Variants in THAP12 observed in about 807,000 individuals in gnomAD.
THAP12 encodes the protein THAP domain containing 12.
In THAP12, 20 loss-of-function variants were observed where a neutral mutation model predicts 63.0. The ratio of observed to expected loss-of-function variants is 0.32; its 90% CI spans 0.22 to 0.46. THAP12 has a LOEUF of 0.46. Among genes scored for constraint, THAP12 ranks in the 20% least tolerant of loss-of-function variants. The pLI, the probability that THAP12 is intolerant of heterozygous loss-of-function variation, is 1.00. For synonymous variants in THAP12, 264 were observed against 328.4 expected, an observed-to-expected ratio of 0.80 and a Z score of 2.12; for missense variants, 568 against 908.2, an observed-to-expected ratio of 0.63 and a Z score of 4.81.
intron 3 of THAP12, chr11:76,357,972 T>A (rs1179107943): frequency 6.6e-6 from 1 of 152,040 alleles, no homozygotes; most frequent in African/African-American, 2.4e-5. Context: ...AGTTCATAAG[T>A]ACAACAATCA....
chr11:76,375,386 T>C (rs1408563831), intron 1 of THAP12, among the ~76,000 whole-genome samples: 20 of 150,454 alleles, frequency 1.3e-4, no homozygotes, highest in Admixed American at 4.6e-4. Context: ...AATCAAGACT[T>C]AGGCTTTTTT....
At chr11:76,380,260 G>C (rs191813895) in intron 1 of THAP12, among the ~76,000 whole-genome samples, 5 of 152,332 alleles carry the variant, frequency 3.3e-5, no homozygotes, top group Non-Finnish European at 7.3e-5. Context: ...AAGTCCGAAG[G>C]AGAAAGCAGT....
At chr11:76,369,267 T>C (rs1486602984) in intron 1 of THAP12, among the ~76,000 whole-genome samples, 8 of 152,202 alleles carry the variant, frequency 5.3e-5, no homozygotes, top group Non-Finnish European at 7.3e-5. Context: ...TGAAGTAACT[T>C]TGCCCATCAA....
chr11:76,361,232 C>T, intron 2 of THAP12, 169 bp from the exon 3 acceptor site: 1 of 498,532 alleles, frequency 2.0e-6, no homozygotes, highest in Non-Finnish European at 3.5e-6. Context: ...TCCAACTGTG[C>T]CTGCATTTGC....
At chr11:76,356,216 C>T (rs1477243203) in intron 3 of THAP12, 1 of 152,312 alleles carries the variant, frequency 6.6e-6, no homozygotes, top group African/African-American at 2.4e-5. Flanking sequence ...GCATCCTTTA[C>T]TTTCCTTCCA....
In THAP12 at chr11:76,351,351, T is replaced by C. The variant is rs781068172; in HGVS notation, c.1799A>G (p.Lys600Arg). Residue 600 changes from lysine (K) to arginine (R), a missense_variant, in exon 5 of 5, where the codon AAA becomes AGA. Physicochemically the swap from Lys to Arg is conservative, Grantham distance 26. Transcript: ENST00000260045. ...TACCAGAGATAAGCATTTAAGAGCT[T>C]TGAGGTGCTGTTCTGAGAATATATC... Reference protein sequence around the residue: ...LKDIFSEQHLKALKCLSLVPS... With the variant: ...LKDIFSEQHLRALKCLSLVPS... 6.3e-6 allele frequency: 10 copies of C among 1,597,896 alleles called. No homozygotes were observed. Among genetic ancestry groups the C allele is most frequent in the African/African-American group, 5.4e-5 (4 of 74,702 alleles).
chr11:76,375,214 G>A (rs529739408), intron 1 of THAP12, among the ~76,000 whole-genome samples: 2 of 152,212 alleles, frequency 1.3e-5, no homozygotes, highest in South Asian at 4.2e-4. Flanking sequence ...GGGTGAGTTA[G>A]TACTAGCTGC....
intron 4 of THAP12, among the ~76,000 whole-genome samples, chr11:76,354,407 T>G (rs1946546865): frequency 6.6e-6 from 1 of 152,202 alleles, no homozygotes; most frequent in Non-Finnish European, 1.5e-5. Flanking sequence ...TCTCCTCCAT[T>G]ATTTCTCCAC....
Position 76,351,777 on chromosome 11 carries a change from C to T in THAP12, c.1373G>A (p.Arg458Lys). The change falls in exon 5 of 5, where the codon AGA becomes AAA. Residue 458 changes from arginine (R) to lysine (K), a missense_variant. Physicochemically the swap from Arg to Lys is conservative, Grantham distance 26. Transcript: ENST00000260045. ...TCGGCCAGCTATATAGTTATTCCATCTAATATTTGTGTCACTATTTATACC... is the reference window on the plus strand; with the variant it reads ...TCGGCCAGCTATATAGTTATTCCATTTAATATTTGTGTCACTATTTATACC... ...LDGINSDTNI[R>K]WNNYIAGRAF... The T allele has an allele frequency of 1.9e-6, 3 of 1,613,206 alleles. No homozygotes were observed. Among genetic ancestry groups the T allele is most frequent in the East Asian group, 2.2e-5 (1 of 44,862 alleles).
chr11:76,366,272 T>C (rs1278763991), intron 1 of THAP12, among the ~76,000 whole-genome samples: 1 of 152,134 alleles, frequency 6.6e-6, no homozygotes, highest in Non-Finnish European at 1.5e-5. Flanking sequence ...TCAGAGAAGA[T>C]TCAACCATCA....
intron 4 of THAP12, among the ~76,000 whole-genome samples, chr11:76,353,115 G>A (rs578132998): frequency 6.6e-6 from 1 of 152,018 alleles, no homozygotes; most frequent in South Asian, 2.1e-4. Flanking sequence ...TTGAACTCCT[G>A]GCCTCAAGTG....
intron 1 of THAP12, among the ~76,000 whole-genome samples, chr11:76,378,086 T>C (rs1946723995): frequency 6.6e-6 from 1 of 152,224 alleles, no homozygotes; most frequent in African/African-American, 2.4e-5. Flanking sequence ...AATTAGTCTA[T>C]TTTTCTTTTT....
intron 1 of THAP12, among the ~76,000 whole-genome samples, chr11:76,366,959 C>T (rs1416131574): frequency 2.0e-5 from 3 of 152,092 alleles, no homozygotes; most frequent in Non-Finnish European, 4.4e-5. Context: ...GAGCCAGACA[C>T]GTTCTAAGTC....
In THAP12 at chr11:76,352,655, G is replaced by A. The variant is rs372577692; in HGVS notation, c.495C>T (p.Tyr165=). The A allele has an allele frequency of 9.9e-6, 16 of 1,612,030 alleles. No homozygotes were observed. The African/African-American group carries it at 1.1e-4, about 11-fold the overall frequency. The change falls in exon 5 of 5, where the codon TAC becomes TAT. Residue 165 remains tyrosine (Y), a synonymous_variant. Coordinates refer to ENST00000260045, the MANE Select transcript of THAP12 (RefSeq NM_004705.4). The part of the protein sequence containing the change: ...LTLEEKENKE[Y]LKSLFEILIL... ...TCAAGATTTCAAATAGAGATTTTAG[G>A]TATTCTTTGTTTTCCTTCTCTTCAA...
intron 2 of THAP12, among the ~76,000 whole-genome samples, chr11:76,363,837 C>T (rs569887689): frequency 7.2e-5 from 11 of 152,204 alleles, no homozygotes; most frequent in Non-Finnish European, 1.3e-4. Flanking sequence ...AACTCCTGAC[C>T]GCAAATGATC....
chr11:76,358,345 T>C (rs905764749), intron 3 of THAP12: 1 of 152,070 alleles, frequency 6.6e-6, no homozygotes, highest in Non-Finnish European at 1.5e-5. Context: ...TTGAATCCAA[T>C]GGTATATAAA....
Position 76,380,858 on chromosome 11 carries a change from C to G in THAP12, c.-22G>C, listed in dbSNP as rs1430010815. 7.1e-7 allele frequency: 1 copy of G among 1,408,150 alleles called. No homozygotes were observed. The highest frequency in any genetic ancestry group is 1.5e-5 in the African/African-American group (1 of 66,620). The allele number at this position is 1,408,150 out of a possible 1,614,324, so 87.2% of individuals were successfully genotyped here. On this transcript the variant is annotated 5_prime_UTR_variant, in exon 1 of 5. Coordinates refer to ENST00000260045, the MANE Select transcript of THAP12 (RefSeq NM_004705.4). The stretch of plus-strand genomic sequence containing the variant: ...GCATCGTCGCCCGCCCGCCGGCCGG[C>G]CCAGCCCTCCCCTCCCCGCCTCCTC...
chr11:76,350,803 T>C lies in THAP12; in HGVS notation c.*61A>G. On this transcript the variant is annotated 3_prime_UTR_variant, in exon 5 of 5. Coordinates refer to ENST00000260045, the MANE Select transcript of THAP12 (RefSeq NM_004705.4). ...ATATTTAGTGATTAAGTGGTCTACA[T>C]ACACCTTACGGCTTTTTCTTCCAAA... 2 of 1,465,054 alleles carry C rather than the reference T, an allele frequency of 1.4e-6. No homozygotes were observed. Among genetic ancestry groups the C allele is most frequent in the Non-Finnish European group, 1.8e-6 (2 of 1,108,470 alleles). 90.8% of individuals were successfully genotyped at this position (1,465,054 alleles called of 1,614,324 possible).
intron 3 of THAP12, chr11:76,358,614 G>C (rs1946576849): frequency 6.6e-6 from 1 of 152,044 alleles, no homozygotes; most frequent in African/African-American, 2.4e-5. Context: ...AGACCAAACT[G>C]GGCAACATGG....
Sources: gnomAD v4.1 joint callset for allele counts (sites outside exome capture counted in the v4.1 genomes callset) on GRCh38, gnomAD v4.1.1 for gene constraint, MANE v1.5 for transcripts, NCBI Gene and HGNC (gene_info 2026-07-23, HGNC 2026-07-21) for gene names.